The following TOPAZ1 variants were observed in gnomAD, a reference collection of about 807,000 sequenced individuals.
The protein encoded by TOPAZ1 is protein TOPAZ1.
TOPAZ1 carries 66 observed loss-of-function variants against 172.2 expected under a neutral mutation model. The ratio of observed to expected loss-of-function variants is 0.38; its 90% CI spans 0.31 to 0.47. The LOEUF is 0.47. Among genes scored for constraint, TOPAZ1 ranks in the 20% least tolerant of loss-of-function variants. The pLI, the probability that TOPAZ1 is intolerant of heterozygous loss-of-function variation, is 0.99. For synonymous variants in TOPAZ1, 681 were observed against 683.9 expected, an observed-to-expected ratio of 1.00 and a Z score of 0.07; for missense variants, 1,822 against 1,972.4, an observed-to-expected ratio of 0.92 and a Z score of 1.44.
intron 4 of TOPAZ1, among the ~76,000 whole-genome samples, chr3:44,259,031 A>C (rs1699746674): frequency 6.6e-6 from 1 of 152,180 alleles, no homozygotes; most frequent in South Asian, 2.1e-4. Flanking sequence ...AGTTATAAGT[A>C]GATTTGGGGG....
At chr3:44,266,882 TAA>T in intron 5 of TOPAZ1, 113 bp from the exon 6 acceptor site, 1 of 801,828 alleles carries the variant, frequency 1.2e-6, no homozygotes, top group Non-Finnish European at 1.8e-6. Context: ...CTTCAATTTG[TAA>T]AAAAATAAAA....
intron 4 of TOPAZ1, among the ~76,000 whole-genome samples, chr3:44,261,796 G>GC (rs1381892481): frequency 1.3e-5 from 2 of 152,124 alleles, no homozygotes; most frequent in East Asian, 3.8e-4. Flanking sequence ...ATCATGGAAT[G>GC]TTTTTCCATT....
chr3:44,323,323 T>A, intron 18 of TOPAZ1, 28 bp downstream of exon 18: 1 of 1,419,350 alleles, frequency 7.0e-7, no homozygotes, highest in Non-Finnish European at 9.5e-7. Flanking sequence ...TGTTTTAATA[T>A]ATTGGTTTAT....
chr3:44,291,885 T>C (rs6806009), intron 12 of TOPAZ1, among the ~76,000 whole-genome samples: 125,978 of 152,134 alleles, frequency 0.83, 52,212 homozygotes, highest in Middle Eastern at 0.9. Flanking sequence ...TCTCATTATC[T>C]TCTAATGCAG....
chr3:44,286,054 C>CAA (rs72147990), intron 9 of TOPAZ1, among the ~76,000 whole-genome samples: 1 of 149,696 alleles, frequency 6.7e-6, no homozygotes. Context: ...ACTAAAAATG[C>CAA]AAAAAAAAAA....
chr3:44,335,320 GT>G (rs1183516638), downstream of TOPAZ1, among the ~76,000 whole-genome samples: 2 of 151,556 alleles, frequency 1.3e-5, no homozygotes, highest in East Asian at 1.9e-4. Flanking sequence ...TAGGTCTAAA[GT>G]TTTTTTTTAA....
intron 6 of TOPAZ1, among the ~76,000 whole-genome samples, 194 bp downstream of exon 6, chr3:44,267,330 G>A (rs1350111976): frequency 1.6e-5 from 2 of 126,056 alleles, no homozygotes; most frequent in African/African-American, 6.3e-5. Context: ...GTCTCACACT[G>A]TCGCCTAGGC....
downstream of TOPAZ1, among the ~76,000 whole-genome samples, chr3:44,336,433 A>T (rs1176832214): frequency 6.6e-6 from 1 of 152,226 alleles, no homozygotes; most frequent in Non-Finnish European, 1.5e-5. Context: ...TGTCCCGTGT[A>T]TCTATGAGTA....
intron 17 of TOPAZ1, 82 bp from the exon 18 acceptor site, chr3:44,323,010 G>A: frequency 1.1e-6 from 1 of 895,968 alleles, no homozygotes; most frequent in East Asian, 2.7e-5. Flanking sequence ...TGAAGGGGAG[G>A]AGAAAGAAAA....
intron 16 of TOPAZ1, among the ~76,000 whole-genome samples, chr3:44,313,181 C>T (rs1179022391): frequency 2.6e-5 from 4 of 152,036 alleles, no homozygotes; most frequent in African/African-American, 4.8e-5. Flanking sequence ...TAAACGTCAC[C>T]GCTAAATCTT....
chr3:44,257,469 A>AGTGTGTGT (rs10523650), intron 4 of TOPAZ1, among the ~76,000 whole-genome samples: 1 of 113,824 alleles, frequency 8.8e-6, no homozygotes, highest in Non-Finnish European at 1.9e-5. Context: ...ATATATATAT[A>AGTGTGTGT]GTGTGTGTGT....
intron 6 of TOPAZ1, among the ~76,000 whole-genome samples, chr3:44,267,543 C>A (rs1699845874): frequency 6.6e-6 from 1 of 152,048 alleles, no homozygotes. Flanking sequence ...AATCTGTCCA[C>A]CTCAGCCTCC....
Position 44,332,047 on chromosome 3 carries a change from A to G in TOPAZ1, c.*36A>G, listed in dbSNP as rs755529798. On this transcript the variant is annotated 3_prime_UTR_variant, in exon 20 of 20. Transcript: ENST00000309765. ...CTGCTTTTTTTTTTTTTTTAGTTCA[A>G]GTAATCATTGTTGAAAATAAAAGGC... 8 of 1,336,428 alleles carry G rather than the reference A, an allele frequency of 6.0e-6. No homozygotes were observed. The South Asian group carries it at 6.8e-5, about 11-fold the overall frequency. 82.8% of individuals were successfully genotyped at this position (1,336,428 alleles called of 1,614,324 possible). A position where few individuals can be genotyped will look rare whatever the true frequency, so the allele number is the denominator to read the frequency against.
intron 12 of TOPAZ1, among the ~76,000 whole-genome samples, chr3:44,303,020 G>A (rs574667462): frequency 1.3e-5 from 2 of 151,914 alleles, no homozygotes; most frequent in South Asian, 2.1e-4. Flanking sequence ...TTTTTGCAGA[G>A]GTAGGATTCA....
intron 6 of TOPAZ1, 144 bp from the exon 7 acceptor site, chr3:44,269,072 C>A: frequency 1.6e-6 from 1 of 614,218 alleles, no homozygotes; most frequent in Non-Finnish European, 2.9e-6. Context: ...CACAGGAACA[C>A]ACATGGCAGC....
At chr3:44,331,712 T>C (rs960836008) in intron 19 of TOPAZ1, 80 bp from the exon 20 acceptor site, 15 of 1,099,968 alleles carry the variant, frequency 1.4e-5, no homozygotes, top group Non-Finnish European at 2.0e-5. Flanking sequence ...TTAGTACCAG[T>C]AAATGTAAAT....
intron 12 of TOPAZ1, among the ~76,000 whole-genome samples, chr3:44,293,101 T>C (rs1035619117): frequency 1.3e-5 from 2 of 152,166 alleles, no homozygotes; most frequent in African/African-American, 4.8e-5. Context: ...TTAGCTGTTA[T>C]AATGTCAGAG....
chr3:44,278,339 CTGT>C (rs1285226065), intron 8 of TOPAZ1, among the ~76,000 whole-genome samples: 2 of 152,178 alleles, frequency 1.3e-5, no homozygotes, highest in South Asian at 2.1e-4. Flanking sequence ...ATAGTTTTTA[CTGT>C]TGTTGTAGCC....
At chr3:44,252,388 T>A (rs1476569958) in intron 2 of TOPAZ1, among the ~76,000 whole-genome samples, 1 of 152,242 alleles carries the variant, frequency 6.6e-6, no homozygotes, top group Non-Finnish European at 1.5e-5. Context: ...TTTGTCATAG[T>A]GATATTTGAA....
Sources: allele counts gnomAD v4.1 joint callset (sites outside exome capture counted in the v4.1 genomes callset), GRCh38; gene constraint gnomAD v4.1.1; transcripts MANE v1.5; gene names NCBI Gene and HGNC (gene_info 2026-07-23, HGNC 2026-07-21).